UGT1A10: variants seen among roughly 807,000 people sequenced by gnomAD.
UGT1A10 encodes UDP-glucuronosyltransferase 1A10.
In UGT1A10, 49 loss-of-function variants were observed where a neutral mutation model predicts 45.8. The ratio of observed to expected loss-of-function variants is 1.07; its 90% CI spans 0.85 to 1.36. The LOEUF (loss-of-function observed/expected upper bound fraction) is 1.36, where lower values mean the gene tolerates loss of function less well. Ranked by LOEUF, UGT1A10 falls within the 40% of genes most tolerant of loss-of-function variation. The probability of loss-of-function intolerance (pLI) is 0.00; values close to 1 mark genes in which losing one functional copy is unlikely to be tolerated. For missense variants in UGT1A10, 745 were observed against 668.6 expected (o/e 1.11, Z -1.26); for synonymous variants, 284 against 249.7 (o/e 1.14, Z -1.29).
intron 1 of UGT1A10, among the ~76,000 whole-genome samples, chr2:233,725,558 CAT>C (rs771607724): frequency 6.6e-6 from 1 of 152,212 alleles, no homozygotes; most frequent in Middle Eastern, 3.4e-3. Context: ...ATCCTTTCAA[CAT>C]ATATTCGATA....
At chr2:233,667,533 G>A (rs572002865) in intron 1 of UGT1A10, among the ~76,000 whole-genome samples, 1 of 152,250 alleles carries the variant, frequency 6.6e-6, no homozygotes, top group Admixed American at 6.5e-5. Context: ...TTGACAAATG[G>A]GATCTCATTA....
At chr2:233,672,530 A>G (rs1243316887) in intron 1 of UGT1A10, 1 of 1,613,940 alleles carries the variant, frequency 6.2e-7, no homozygotes, top group Non-Finnish European at 8.5e-7. Flanking sequence ...GGGTTCTCAG[A>G]TGCCATGACT....
chr2:233,729,775 C>G (rs775577941), intron 1 of UGT1A10: 2 of 1,613,826 alleles, frequency 1.2e-6, no homozygotes, highest in East Asian at 2.2e-5. Context: ...CATGCTCTAC[C>G]CTCTGGCCCT....
rs371744958 is a variant in UGT1A10 at position 233,636,742 on chromosome 2, G to T, written c.220G>T (p.Val74Leu). 6.2e-7 allele frequency: 1 copy of T among 1,614,206 alleles called. No homozygotes were observed. The highest frequency in any genetic ancestry group is 1.3e-5 in the African/African-American group (1 of 75,062). ...ACTGGAAAGATCACTGAATTGCACA[G>T]TGAAGACTTACTCAACCTCGTACAC... Reference protein sequence around the residue: ...WQLERSLNCTVKTYSTSYTLE... With the variant: ...WQLERSLNCTLKTYSTSYTLE... The change falls in exon 1 of 5, where the codon GTG becomes TTG. Residue 74 changes from valine to leucine, a missense_variant. By Grantham distance (32) the Val-to-Leu change is conservative. Transcript: ENST00000344644.
chr2:233,646,305 A>C (rs911911134), intron 1 of UGT1A10, among the ~76,000 whole-genome samples: 14 of 152,212 alleles, frequency 9.2e-5, no homozygotes, highest in Admixed American at 8.5e-4. Flanking sequence ...AAGACCTCTG[A>C]CATGCCCTGG....
intron 1 of UGT1A10, among the ~76,000 whole-genome samples, chr2:233,639,404 A>G (rs955005026): frequency 1.3e-5 from 2 of 152,200 alleles, no homozygotes; most frequent in African/African-American, 4.8e-5. Context: ...CCCAACCACA[A>G]AAGTAAAAGT....
chr2:233,724,157 G>A (rs1410071236), intron 1 of UGT1A10, among the ~76,000 whole-genome samples: 2 of 119,956 alleles, frequency 1.7e-5, no homozygotes, highest in African/African-American at 7.4e-5. Flanking sequence ...GCCGGGTGGG[G>A]GGGCTGACCC....
At chr2:233,683,946 G>A (rs2074657206) in intron 1 of UGT1A10, among the ~76,000 whole-genome samples, 1 of 152,126 alleles carries the variant, frequency 6.6e-6, no homozygotes, top group South Asian at 2.1e-4. Context: ...TGTTGGTCTA[G>A]CCAGCTTAAA....
intron 1 of UGT1A10, among the ~76,000 whole-genome samples, chr2:233,694,117 G>A (rs972121995): frequency 2.6e-5 from 4 of 152,152 alleles, no homozygotes; most frequent in African/African-American, 9.7e-5. Flanking sequence ...ATCTGGGACA[G>A]TCACATACTC....
intron 1 of UGT1A10, chr2:233,730,074 A>G: frequency 6.2e-7 from 1 of 1,607,274 alleles, no homozygotes; most frequent in African/African-American, 1.3e-5. Context: ...AATTGCTTCC[A>G]TATTTACTTA....
chr2:233,675,966 CACA>C (rs537293192), intron 1 of UGT1A10, among the ~76,000 whole-genome samples: 1 of 152,172 alleles, frequency 6.6e-6, no homozygotes, highest in Non-Finnish European at 1.5e-5. Context: ...GATTGTCTCA[CACA>C]ACATCTTTCC....
chr2:233,737,661 T>A (rs1326139467), intron 1 of UGT1A10, among the ~76,000 whole-genome samples: 2 of 152,214 alleles, frequency 1.3e-5, no homozygotes, highest in Non-Finnish European at 2.9e-5. Context: ...GAGCTGCAGA[T>A]CGGAGCTGTT....
At chr2:233,658,500 C>T (rs1398804368) in intron 1 of UGT1A10, among the ~76,000 whole-genome samples, 3 of 152,154 alleles carry the variant, frequency 2.0e-5, no homozygotes, top group African/African-American at 7.2e-5. Context: ...CCATCACGCC[C>T]CCTTCATCTC....
At chr2:233,748,000 T>C in intron 1 of UGT1A10, 1 of 1,613,538 alleles carries the variant, frequency 6.2e-7, no homozygotes, top group East Asian at 2.2e-5. Context: ...GACTTTGTGA[T>C]GGATTACCCC....
chr2:233,701,815 T>A (rs569445521), intron 1 of UGT1A10, among the ~76,000 whole-genome samples: 1 of 152,092 alleles, frequency 6.6e-6, no homozygotes, highest in African/African-American at 2.4e-5. Context: ...AGACACAACA[T>A]ACCAGAATCT....
chr2:233,724,124 T>C (rs2077171424), intron 1 of UGT1A10, among the ~76,000 whole-genome samples: 1 of 109,210 alleles, frequency 9.2e-6, no homozygotes. Flanking sequence ...GAGGCGCCCC[T>C]CACCTCCCGG....
chr2:233,691,742 C>A, intron 1 of UGT1A10: 1 of 642,198 alleles, frequency 1.6e-6, no homozygotes, highest in Non-Finnish European at 1.9e-6. Flanking sequence ...AAGCAGATAC[C>A]AGGCTTTCTG....
intron 1 of UGT1A10, among the ~76,000 whole-genome samples, chr2:233,746,063 AAG>A (rs1693290242): frequency 6.6e-6 from 1 of 151,770 alleles, no homozygotes. Flanking sequence ...CTAGAACGAA[AAG>A]AGAAGAGGAG....
At chr2:233,714,345 G>A (rs2076380824) in intron 1 of UGT1A10, among the ~76,000 whole-genome samples, 1 of 152,206 alleles carries the variant, frequency 6.6e-6, no homozygotes, top group Non-Finnish European at 1.5e-5. Flanking sequence ...CTCAGAGGAA[G>A]TAGAGGTTTC....
Sources: gnomAD v4.1 joint callset for allele counts (sites outside exome capture counted in the v4.1 genomes callset) on GRCh38, gnomAD v4.1.1 for gene constraint, MANE v1.5 for transcripts, NCBI Gene and HGNC (gene_info 2026-07-23, HGNC 2026-07-21) for gene names.